DNAJC5B: variants seen among roughly 807,000 people sequenced by gnomAD.
DNAJC5B encodes dnaJ homolog subfamily C member 5B.
DNAJC5B carries 23 observed loss-of-function variants against 24.7 expected under a neutral mutation model. The observed-to-expected ratio is 0.93, with a 90% CI of 0.67 to 1.32. The LOEUF is 1.32. DNAJC5B is among the 40% of genes most tolerant of loss of function. The pLI, the probability that DNAJC5B is intolerant of heterozygous loss-of-function variation, is 0.00. For synonymous variants in DNAJC5B, 101 were observed against 90.1 expected, an observed-to-expected ratio of 1.12 and a Z score of -0.68; for missense variants, 238 against 240.8, an observed-to-expected ratio of 0.99 and a Z score of 0.08.
intron 3 of DNAJC5B, among the ~76,000 whole-genome samples, chr8:66,054,419 A>T (rs1385678639): frequency 6.6e-6 from 1 of 152,176 alleles, no homozygotes; most frequent in Non-Finnish European, 1.5e-5. Context: ...TTTGACACTA[A>T]ATCTTGATCC....
intron 1 of DNAJC5B, among the ~76,000 whole-genome samples, chr8:66,029,092 C>T (rs1012221280): frequency 1.1e-4 from 17 of 152,206 alleles, no homozygotes; most frequent in African/African-American, 2.4e-4. Context: ...TAGTTGAACT[C>T]CTAATCCGGC....
In DNAJC5B at chr8:66,080,405, C is replaced by G. The variant is rs200440195; in HGVS notation, c.362C>G (p.Thr121Arg). The change falls in exon 5 of 6, where the codon ACG becomes AGG. Residue 121 changes from threonine to arginine, a missense_variant. By Grantham distance (71) the Thr-to-Arg change is moderately conservative. Transcript: ENST00000276570. ...CTGTTTGTCATCGTTGGCCTCTTGA[C>G]GGGCTGCTACTTTTGCTGCTGCCTG... is the stretch of plus-strand genomic sequence containing the variant. The part of the protein sequence containing the change: ...KALFVIVGLL[T>R]GCYFCCCLCC... 6.2e-7 allele frequency: 1 copy of G among 1,613,612 alleles called. No homozygotes were observed. The highest frequency in any genetic ancestry group is 1.1e-5 in the South Asian group (1 of 91,014).
intron 3 of DNAJC5B, among the ~76,000 whole-genome samples, chr8:66,055,658 A>G (rs112085824): frequency 0.018 from 2,731 of 152,196 alleles, 73 homozygotes; most frequent in African/African-American, 0.061. Context: ...GCATATATAG[A>G]CCAGGCACGG....
intron 1 of DNAJC5B, among the ~76,000 whole-genome samples, chr8:66,030,972 G>C (rs964768847): frequency 1.3e-5 from 2 of 152,154 alleles, no homozygotes; most frequent in African/African-American, 4.8e-5. Context: ...CTTGTGTCTG[G>C]AATCTCATAG....
intron 3 of DNAJC5B, among the ~76,000 whole-genome samples, chr8:66,073,467 G>A (rs769118130): frequency 6.9e-4 from 104 of 150,926 alleles, no homozygotes; most frequent in Non-Finnish European, 1.4e-3. Flanking sequence ...AATAGGTTGT[G>A]TGAATGTGCA....
intron 2 of DNAJC5B, among the ~76,000 whole-genome samples, chr8:66,046,868 C>T (rs1400817730): frequency 3.3e-5 from 5 of 152,242 alleles, no homozygotes; most frequent in African/African-American, 1.2e-4. Context: ...CCTGCAGCCA[C>T]GTTCTCCGGA....
chr8:66,097,081 A>G (rs1454816482), intron 5 of DNAJC5B, among the ~76,000 whole-genome samples: 1 of 152,132 alleles, frequency 6.6e-6, no homozygotes, highest in African/African-American at 2.4e-5. Flanking sequence ...TGAGTGAGTT[A>G]ATATACATAA....
At chr8:66,049,898 C>T (rs954519657) in intron 2 of DNAJC5B, among the ~76,000 whole-genome samples, 2 of 152,156 alleles carry the variant, frequency 1.3e-5, no homozygotes, top group Admixed American at 1.3e-4. Flanking sequence ...CATGACATCT[C>T]TTTTATTTTA....
At chr8:66,039,913 G>A (rs1456558975) in intron 1 of DNAJC5B, among the ~76,000 whole-genome samples, 2 of 152,274 alleles carry the variant, frequency 1.3e-5, no homozygotes, top group Non-Finnish European at 1.5e-5. Flanking sequence ...ATTTTGGGGG[G>A]CAGGGAGAGA....
chr8:66,050,851 G>A (rs1806829314), intron 2 of DNAJC5B, among the ~76,000 whole-genome samples: 1 of 152,140 alleles, frequency 6.6e-6, no homozygotes, highest in Non-Finnish European at 1.5e-5. Flanking sequence ...TAAAAATTGT[G>A]TATATTTATG....
At chr8:66,037,588 G>C (rs915137454) in intron 1 of DNAJC5B, among the ~76,000 whole-genome samples, 1 of 152,166 alleles carries the variant, frequency 6.6e-6, no homozygotes, top group East Asian at 1.9e-4. Flanking sequence ...ATTCAGACAG[G>C]GGCTTTTCCA....
chr8:66,089,503 A>G (rs1807799708), intron 5 of DNAJC5B, among the ~76,000 whole-genome samples: 1 of 152,202 alleles, frequency 6.6e-6, no homozygotes, highest in South Asian at 2.1e-4. Flanking sequence ...TATTAGAAAT[A>G]TTTTTCACCT....
At chr8:66,067,591 A>T (rs1252933016) in intron 3 of DNAJC5B, among the ~76,000 whole-genome samples, 1 of 152,102 alleles carries the variant, frequency 6.6e-6, no homozygotes, top group African/African-American at 2.4e-5. Flanking sequence ...AAAAAGGTCT[A>T]CTAGTTTCTG....
intron 4 of DNAJC5B, among the ~76,000 whole-genome samples, chr8:66,079,200 ATTTG>A (rs956518260): frequency 1.3e-5 from 2 of 152,250 alleles, no homozygotes; most frequent in East Asian, 1.9e-4. Context: ...GGAGCAAATC[ATTTG>A]TTTATTTATT....
At chr8:66,042,608 C>CTTT (rs1264923053) in intron 1 of DNAJC5B, among the ~76,000 whole-genome samples, 1 of 150,434 alleles carries the variant, frequency 6.6e-6, no homozygotes, top group Non-Finnish European at 1.5e-5. Context: ...TCTTCTTCTT[C>CTTT]TTCTTCTTCT....
chr8:66,076,526 C>G (rs997352809), intron 3 of DNAJC5B, 134 bp from the exon 4 acceptor site: 5 of 926,674 alleles, frequency 5.4e-6, no homozygotes, highest in Non-Finnish European at 8.3e-6. Flanking sequence ...TGTTAATCAC[C>G]GCTAGTCTGA....
At chr8:66,073,387 G>T (rs1448408853) in intron 3 of DNAJC5B, among the ~76,000 whole-genome samples, 4 of 151,912 alleles carry the variant, frequency 2.6e-5, no homozygotes, top group African/African-American at 7.3e-5. Flanking sequence ...ATTGAAATAG[G>T]TCGACATACT....
chr8:66,045,249 A>G (rs1050308323), intron 2 of DNAJC5B, among the ~76,000 whole-genome samples: 15 of 152,218 alleles, frequency 9.9e-5, no homozygotes, highest in African/African-American at 3.4e-4. Flanking sequence ...GCATTTTAAC[A>G]TGATGCAAAT....
At chr8:66,020,457 G>A (rs561241622), upstream of DNAJC5B, among the ~76,000 whole-genome samples, 46 of 152,256 alleles carry the variant, frequency 3.0e-4, 2 homozygotes, top group South Asian at 9.3e-3. Context: ...AGTATCATAT[G>A]GGGTTAGCGT....
Sources: allele counts gnomAD v4.1 joint callset (sites outside exome capture counted in the v4.1 genomes callset), GRCh38; gene constraint gnomAD v4.1.1; transcripts MANE v1.5; gene names NCBI Gene and HGNC (gene_info 2026-07-23, HGNC 2026-07-21).